The following SAMD12 variants were observed in gnomAD, a reference collection of about 807,000 sequenced individuals.
SAMD12 encodes the protein sterile alpha motif domain-containing protein 12.
In SAMD12, 9 loss-of-function variants were observed where a neutral mutation model predicts 15.0. That is an observed-to-expected ratio of 0.60 (90% CI 0.36 to 1.05). SAMD12 has a LOEUF of 1.05. SAMD12 is among the 50% of genes least tolerant of loss of function. The pLI is 0.01. For missense variants in SAMD12, 230 were observed against 234.2 expected (o/e 0.98, Z 0.12); for synonymous variants, 86 against 90.1 (o/e 0.96, Z 0.25).
At chr8:118,594,038 C>G (rs570458887) in intron 1 of SAMD12, among the ~76,000 whole-genome samples, 1 of 152,110 alleles carries the variant, frequency 6.6e-6, no homozygotes, top group African/African-American at 2.4e-5. Flanking sequence ...GCTTCTATGT[C>G]ACAAATCACA....
intron 2 of SAMD12, among the ~76,000 whole-genome samples, chr8:118,469,556 A>AAATATAT (rs1823728852): frequency 3.6e-4 from 1 of 2,802 alleles, no homozygotes; most frequent in African/African-American, 5.6e-4. Context: ...TATTATATAT[A>AAATATAT]ATATATTATA....
chr8:118,273,011 C>G (rs568889136), intron 4 of SAMD12, among the ~76,000 whole-genome samples: 2 of 152,266 alleles, frequency 1.3e-5, no homozygotes, highest in African/African-American at 4.8e-5. Flanking sequence ...TCCACATTTT[C>G]AAGTATCCTT....
chr8:118,191,198 T>C (rs1403364510), exon 5 of SAMD12: 1 of 152,154 alleles, frequency 6.6e-6, no homozygotes, highest in Non-Finnish European at 1.5e-5. Context: ...GTCAAGAGCC[T>C]GGTATTATTC....
chr8:118,138,592 G>A, the SAMD12 span, among the ~76,000 whole-genome samples: 6 of 152,330 alleles, frequency 3.9e-5, no homozygotes, highest in African/African-American at 1.2e-4. Context: ...GGATGTATGA[G>A]AAATAAATTT....
At chr8:118,413,775 AAAG>A (rs1821545912) in intron 3 of SAMD12, among the ~76,000 whole-genome samples, 1 of 152,284 alleles carries the variant, frequency 6.6e-6, no homozygotes, top group Non-Finnish European at 1.5e-5. Context: ...GGAAGAAGGC[AAAG>A]AAGAAGCTAT....
At chr8:118,208,298 T>A (rs1162897278) in intron 4 of SAMD12, among the ~76,000 whole-genome samples, 1 of 152,198 alleles carries the variant, frequency 6.6e-6, no homozygotes, top group African/African-American at 2.4e-5. Context: ...AAAGTATTAA[T>A]GAATAATCCT....
At chr8:118,414,839 C>A (rs752358366) in intron 3 of SAMD12, among the ~76,000 whole-genome samples, 1 of 152,158 alleles carries the variant, frequency 6.6e-6, no homozygotes, top group Non-Finnish European at 1.5e-5. Context: ...CCAGAAGGAC[C>A]CCTCCCTTTG....
chr8:118,478,294 G>C (rs576899430), intron 2 of SAMD12, among the ~76,000 whole-genome samples: 6 of 152,292 alleles, frequency 3.9e-5, no homozygotes, highest in Admixed American at 1.3e-4. Context: ...GAAAGCTGCT[G>C]TTCACTTTTC....
chr8:118,340,696 G>A (rs1180692499), intron 4 of SAMD12, among the ~76,000 whole-genome samples: 1 of 152,140 alleles, frequency 6.6e-6, no homozygotes, highest in African/African-American at 2.4e-5. Flanking sequence ...TTGAACCCGG[G>A]AGGTGGAGGT....
At chr8:118,440,386 A>G (rs1373570044) in intron 2 of SAMD12, among the ~76,000 whole-genome samples, 3 of 152,148 alleles carry the variant, frequency 2.0e-5, no homozygotes, top group Non-Finnish European at 4.4e-5. Context: ...GGCTCCAGGA[A>G]GTGCTAATAA....
intron 2 of SAMD12, among the ~76,000 whole-genome samples, chr8:118,543,627 C>CTTTTTTTTT (rs1554582437): frequency 8.6e-6 from 1 of 116,912 alleles, no homozygotes; most frequent in African/African-American, 4.6e-5. Flanking sequence ...TTCTTTCTTT[C>CTTTTTTTTT]TTTCTTTTTT....
At chr8:118,249,510 C>T (rs546665914) in intron 4 of SAMD12, among the ~76,000 whole-genome samples, 3 of 152,248 alleles carry the variant, frequency 2.0e-5, no homozygotes, top group Admixed American at 2.0e-4. Flanking sequence ...TCCACAGATG[C>T]AGAACCCACG....
the SAMD12 span, among the ~76,000 whole-genome samples, chr8:118,169,730 T>A: frequency 6.6e-6 from 1 of 152,108 alleles, no homozygotes; most frequent in Non-Finnish European, 1.5e-5. Context: ...TTTAACGTAA[T>A]TGAAAAATAA....
At chr8:118,326,338 C>G (rs1816563235) in intron 4 of SAMD12, among the ~76,000 whole-genome samples, 1 of 152,072 alleles carries the variant, frequency 6.6e-6, no homozygotes, top group African/African-American at 2.4e-5. Context: ...ATGTCACCTC[C>G]TAAAAGAAGC....
chr8:118,439,793 A>C, intron 3 of SAMD12, 39 bp downstream of exon 3: 8 of 1,601,696 alleles, frequency 5.0e-6, no homozygotes, highest in Non-Finnish European at 6.8e-6. Context: ...ACTGGGAGAA[A>C]GAAAAGGAGT....
chr8:118,503,968 G>T (rs1824855525), intron 2 of SAMD12, among the ~76,000 whole-genome samples: 1 of 152,118 alleles, frequency 6.6e-6, no homozygotes, highest in African/African-American at 2.4e-5. Flanking sequence ...GTATCTCAAA[G>T]GCTAAATTTT....
chr8:118,334,804 C>T (rs1022203495), intron 4 of SAMD12, among the ~76,000 whole-genome samples: 1 of 152,094 alleles, frequency 6.6e-6, no homozygotes, highest in African/African-American at 2.4e-5. Context: ...ACCATGTTGC[C>T]CAGGTTGGTC....
chr8:118,393,916 T>G (rs1385747728), intron 3 of SAMD12, among the ~76,000 whole-genome samples: 1 of 152,138 alleles, frequency 6.6e-6, no homozygotes, highest in African/African-American at 2.4e-5. Flanking sequence ...GCATTTGATC[T>G]GAAAGGATCA....
intron 4 of SAMD12, among the ~76,000 whole-genome samples, chr8:118,371,740 T>A (rs1452181625): frequency 7.2e-5 from 11 of 152,158 alleles, no homozygotes; most frequent in Non-Finnish European, 1.0e-4. Context: ...CAGAGAGGTC[T>A]AAAACGTAAA....
Sources: allele counts gnomAD v4.1 joint callset (sites outside exome capture counted in the v4.1 genomes callset), GRCh38; gene constraint gnomAD v4.1.1; transcripts MANE v1.5; gene names NCBI Gene and HGNC (gene_info 2026-07-23, HGNC 2026-07-21).